Variants in MKLN1 observed in about 807,000 individuals in gnomAD.
MKLN1 encodes the protein muskelin.
A neutral mutation model predicts 99.0 loss-of-function variants in MKLN1; 18 were observed. That is an observed-to-expected ratio of 0.18 (90% confidence interval 0.13 to 0.27). The LOEUF (loss-of-function observed/expected upper bound fraction) is 0.27. Ranked by LOEUF, MKLN1 falls within the 10% of genes least tolerant of loss-of-function variation. The pLI is 1.00. For synonymous variants in MKLN1, 288 were observed against 293.2 expected, an observed-to-expected ratio of 0.98 and a Z score of 0.18; for missense variants, 621 against 875.9, an observed-to-expected ratio of 0.71 and a Z score of 3.67.
intron 3 of MKLN1, among the ~76,000 whole-genome samples, chr7:131,219,444 G>T (rs1164130746): frequency 6.6e-6 from 1 of 152,152 alleles, no homozygotes; most frequent in South Asian, 2.1e-4. Context: ...GCACAGAGAA[G>T]AATTTCGAAT....
chr7:131,197,886 G>A (rs575044309), intron 2 of MKLN1, among the ~76,000 whole-genome samples: 33 of 151,726 alleles, frequency 2.2e-4, no homozygotes, highest in Non-Finnish European at 4.1e-4. Flanking sequence ...GCCCAGGCTG[G>A]AGTGCAGTGG....
chr7:131,416,596 A>G (rs960509825), intron 8 of MKLN1, among the ~76,000 whole-genome samples: 1 of 149,726 alleles, frequency 6.7e-6, no homozygotes, highest in African/African-American at 2.5e-5. Flanking sequence ...AGGCCTAGAT[A>G]TTTTTCTATA....
chr7:131,441,694 A>G (rs1015703700), intron 10 of MKLN1, among the ~76,000 whole-genome samples: 2 of 152,234 alleles, frequency 1.3e-5, no homozygotes, highest in East Asian at 1.9e-4. Context: ...AGATGTTTAT[A>G]CTTCAGCCCT....
intron 1 of MKLN1, among the ~76,000 whole-genome samples, chr7:131,343,804 T>C (rs1426441113): frequency 6.6e-6 from 1 of 152,206 alleles, no homozygotes; most frequent in East Asian, 1.9e-4. Flanking sequence ...TATTTTTATA[T>C]AAATCTGAGA....
intron 10 of MKLN1, 48 bp downstream of exon 10, chr7:131,438,045 A>C (rs1374318936): frequency 7.2e-7 from 1 of 1,392,024 alleles, no homozygotes; most frequent in Non-Finnish European, 1.0e-6. Flanking sequence ...GTGCTTAGTG[A>C]TTCTTGCAAT....
chr7:131,290,980 C>T (rs1798206587), intron 3 of MKLN1, among the ~76,000 whole-genome samples: 1 of 152,124 alleles, frequency 6.6e-6, no homozygotes, highest in African/African-American at 2.4e-5. Context: ...AGGCAAATAT[C>T]ATCATCACCA....
chr7:131,147,036 T>TTTTA (rs1183790059), intron 2 of MKLN1, among the ~76,000 whole-genome samples: 2 of 151,956 alleles, frequency 1.3e-5, no homozygotes, highest in African/African-American at 4.8e-5. Context: ...TTTGATTATG[T>TTTTA]TTTATTTATT....
chr7:131,181,321 T>C (rs188699489), intron 2 of MKLN1, among the ~76,000 whole-genome samples: 3 of 152,328 alleles, frequency 2.0e-5, no homozygotes, highest in South Asian at 4.1e-4. Flanking sequence ...TATAGAAAAC[T>C]ATATATGCAT....
chr7:131,402,875 C>T (rs891191706), intron 6 of MKLN1, among the ~76,000 whole-genome samples: 3 of 152,088 alleles, frequency 2.0e-5, no homozygotes, highest in Admixed American at 6.6e-5. Flanking sequence ...TTTGTTACTC[C>T]ATTTGTAGAG....
chr7:131,173,140 A>AACACACACAC lies in MKLN1; in HGVS notation c.-296-29699_-296-29690dup, dbSNP rs56672099. ...GTATACATCATATTTTGTATATACA[A>AACACACACAC]ACACACACACACACACACACACACA... On this transcript the variant is annotated intron_variant, in intron 2 of 7. Transcript: ENST00000416992. Among the ~76,000 whole-genome samples, 106 of 150,108 alleles carry AACACACACAC rather than the reference A, an allele frequency of 7.1e-4. 1 individual carries two copies. The highest frequency in any genetic ancestry group is 1.7e-3 in the African/African-American group (69 of 40,892).
chr7:131,357,652 C>T (rs868273016), intron 1 of MKLN1, among the ~76,000 whole-genome samples: 9 of 151,942 alleles, frequency 5.9e-5, no homozygotes, highest in Middle Eastern at 3.2e-3. Context: ...CAAAATGTTC[C>T]GGCTTTGGCT....
intron 8 of MKLN1, among the ~76,000 whole-genome samples, chr7:131,420,103 T>C (rs748830009): frequency 2.6e-5 from 4 of 151,972 alleles, no homozygotes; most frequent in Non-Finnish European, 5.9e-5. Context: ...GACGAGTTGA[T>C]GGGTGCAGTA....
intron 8 of MKLN1, among the ~76,000 whole-genome samples, chr7:131,418,566 T>C (rs898588034): frequency 6.6e-6 from 1 of 152,256 alleles, no homozygotes; most frequent in South Asian, 2.1e-4. Flanking sequence ...TTGGGCCACA[T>C]TGAAAGCCAT....
At chr7:131,320,714 A>G (rs918266780) in intron 3 of MKLN1, among the ~76,000 whole-genome samples, 3 of 152,202 alleles carry the variant, frequency 2.0e-5, no homozygotes, top group African/African-American at 4.8e-5. Context: ...ATCTACAAGG[A>G]ACTTAAACAA....
intron 3 of MKLN1, among the ~76,000 whole-genome samples, chr7:131,231,543 C>T (rs1437504671): frequency 6.6e-6 from 1 of 152,146 alleles, no homozygotes; most frequent in Admixed American, 6.5e-5. Context: ...GGCCAGGAAA[C>T]AGCTGGAGTG....
chr7:131,428,100 G>A (rs1795411694), intron 8 of MKLN1, among the ~76,000 whole-genome samples: 1 of 152,090 alleles, frequency 6.6e-6, no homozygotes, highest in Non-Finnish European at 1.5e-5. Flanking sequence ...GAACCCAGGA[G>A]GCTGCAGTGA....
rs115567245 is a variant in MKLN1, at chr7:131,226,276, C to T, written c.-179+23302C>T. 4.2e-3 allele frequency among the ~76,000 whole-genome samples: 639 copies of T among 152,208 alleles called. 5 individuals are homozygous for T. The highest frequency in any genetic ancestry group is 0.017 in the East Asian group (90 of 5,190). The stretch of plus-strand genomic sequence containing the variant: ...TAAAGTTTAAATAGATGGGTTTCAG[C>T]CCAAGAGAAAAATGTAAACAAGCCC... On this transcript the variant is annotated intron_variant, in intron 3 of 7. Coordinates refer to the MKLN1 transcript ENST00000416992.
intron 12 of MKLN1, among the ~76,000 whole-genome samples, chr7:131,455,781 C>G (rs1262865972): frequency 6.6e-6 from 1 of 152,164 alleles, no homozygotes; most frequent in Non-Finnish European, 1.5e-5. Context: ...CATGGTGGCT[C>G]TTGCCTGTAA....
intron 3 of MKLN1, among the ~76,000 whole-genome samples, chr7:131,261,137 G>A (rs1324055138): frequency 6.6e-6 from 1 of 152,196 alleles, no homozygotes; most frequent in Admixed American, 6.5e-5. Flanking sequence ...AACAAAAATT[G>A]ACAAATGGGA....
Sources: gnomAD v4.1 joint callset for allele counts (sites outside exome capture counted in the v4.1 genomes callset) on GRCh38, gnomAD v4.1.1 for gene constraint, MANE v1.5 for transcripts, NCBI Gene and HGNC (gene_info 2026-07-23, HGNC 2026-07-21) for gene names.